The following HLA-DPA1 variants were observed in gnomAD, a reference collection of about 807,000 sequenced individuals.
HLA-DPA1 encodes the protein HLA class II histocompatibility antigen, DP alpha 1 chain.
A neutral mutation model predicts 21.5 loss-of-function variants in HLA-DPA1; 20 were observed. That is an observed-to-expected ratio of 0.93 (90% CI 0.66 to 1.35). The LOEUF (loss-of-function observed/expected upper bound fraction) is 1.35. Among genes scored for constraint, HLA-DPA1 ranks in the 40% most tolerant of loss-of-function variants. The pLI is 0.00. For missense variants in HLA-DPA1, 279 were observed against 323.0 expected, an observed-to-expected ratio of 0.86 and a Z score of 1.05; for synonymous variants, 123 against 129.6, an observed-to-expected ratio of 0.95 and a Z score of 0.35.
rs1432640425 is a variant in HLA-DPA1 at position 33,080,246 on chromosome 6, G to T, written c.-100+434C>A. The T allele has an allele frequency of 5.6e-6, 2 of 359,578 alleles. No individual in the cohort carries two copies. Among genetic ancestry groups the T allele is most frequent in the Admixed American group, 3.7e-5 (1 of 26,818 alleles). 22.3% of individuals were successfully genotyped at this position (359,578 alleles called of 1,614,324 possible). A position where few individuals can be genotyped will look rare whatever the true frequency, so the allele number is the denominator to read the frequency against. On this transcript the variant is annotated intron_variant, in intron 1 of 5. Transcript: ENST00000419277. The surrounding 1 kb of genome is among the most constrained non-coding windows in gnomAD (Gnocchi z 4.3). Reference sequence around the variant, plus strand: ...CTGGAGGAGGTGGCATTTGAACCAGGACTGACATCAGGATGGAAATGTCAG... The same window carrying T: ...CTGGAGGAGGTGGCATTTGAACCAGTACTGACATCAGGATGGAAATGTCAG...
intron 1 of HLA-DPA1, chr6:33,079,478 G>C (rs1762722822): frequency 3.2e-6 from 1 of 311,838 alleles, no homozygotes; most frequent in Non-Finnish European, 6.3e-6. Flanking sequence ...CCTCATGAAG[G>C]ATAAGATCCT....
rs147525040 is a variant in HLA-DPA1, at chr6:33,072,931, A to G, written c.100+540T>C. Among the ~76,000 whole-genome samples, 541 of 152,282 alleles carry G rather than the reference A, an allele frequency of 3.6e-3. 3 individuals carry two copies. The highest frequency in any genetic ancestry group is 0.026 in the East Asian group (133 of 5,194). ...CCCAGGAAGAGCCCTAGGGTCCTAGAAGAGAGGGAGGATACAGAAACACTC... is the reference window on the plus strand; with the variant it reads ...CCCAGGAAGAGCCCTAGGGTCCTAGGAGAGAGGGAGGATACAGAAACACTC... On this transcript the variant is annotated intron_variant, in intron 2 of 5. Transcript: ENST00000419277.
Position 33,080,593 on chromosome 6 carries a change from C to T in HLA-DPA1, c.-100+87G>A. On this transcript the variant is annotated intron_variant, in intron 1 of 5. Coordinates refer to ENST00000419277, the Ensembl canonical transcript of HLA-DPA1. This position sits in a 1 kb window ranked among gnomAD's most constrained non-coding sequence, Gnocchi z 4.3. ...CTGGGTGGGAAGATTTGGGAAGAAT[C>T]GTTAATATTGAGAGAGAGAGGGAGA... 6.3e-7 allele frequency: 1 copy of T among 1,588,954 alleles called. No homozygotes were observed. Among genetic ancestry groups the T allele is most frequent in the Middle Eastern group, 1.7e-4 (1 of 6,024 alleles).
chr6:33,068,304 G>C, intron 5 of HLA-DPA1: 1 of 213,978 alleles, frequency 4.7e-6, no homozygotes, highest in Non-Finnish European at 9.1e-6. Context: ...TTCTGGATTG[G>C]AAGCTAGCCC....
At chr6:33,073,445 G>A (rs377625773) in intron 2 of HLA-DPA1, 26 bp downstream of exon 1, 29 of 1,490,108 alleles carry the variant, frequency 1.9e-5, no homozygotes, top group Middle Eastern at 1.8e-4. Context: ...TCACCCCGAC[G>A]CTCCTGCGTC....
At chr6:33,071,424 T>C (rs1762276674) in intron 2 of HLA-DPA1, among the ~76,000 whole-genome samples, 1 of 152,216 alleles carries the variant, frequency 6.6e-6, no homozygotes, top group Non-Finnish European at 1.5e-5. Context: ...TCTTAATACA[T>C]GAATGTCCCT....
chr6:33,069,110 G>C, exon 4 of HLA-DPA1: 1 of 1,613,074 alleles, frequency 6.2e-7, no homozygotes, highest in Non-Finnish European at 8.5e-7. Flanking sequence ...TCAGGTAATG[G>C]AACTTGTGGA....
Position 33,080,433 on chromosome 6 carries a change from C to T in HLA-DPA1, c.-100+247G>A. On this transcript the variant is annotated intron_variant, in intron 1 of 5. Coordinates refer to ENST00000419277, the Ensembl canonical transcript of HLA-DPA1. The surrounding 1 kb of genome is among the most constrained non-coding windows in gnomAD (Gnocchi z 4.3). ...AGTGCTCGCCCCTCCCTAGTGATCACTCAGTGCCCCTGAGCTCATTCTTTT... is the reference window on the plus strand; with the variant it reads ...AGTGCTCGCCCCTCCCTAGTGATCATTCAGTGCCCCTGAGCTCATTCTTTT... 1 of 702,758 alleles carries T rather than the reference C, an allele frequency of 1.4e-6. No homozygotes were observed. The highest frequency in any genetic ancestry group is 2.6e-6 in the Non-Finnish European group (1 of 381,138). The allele number at this position is 702,758 out of a possible 1,614,324, so 43.5% of individuals were successfully genotyped here.
In HLA-DPA1 at chr6:33,077,114, C is replaced by T. The variant is rs368982238; in HGVS notation, c.-99-3445G>A. Among the ~76,000 whole-genome samples, 261 of 140,318 alleles carry T rather than the reference C, an allele frequency of 1.9e-3. 8 individuals are homozygous for T. In the South Asian group the frequency reaches 0.051, roughly 27 times the overall value. 92.1% of individuals were successfully genotyped at this position (140,318 alleles called of 152,430 possible). ...GCCCCGGTGTATGATGTTCCCCTTC[C>T]TGTGTCCATGTGTTCTCATTGTTCA... On this transcript the variant is annotated intron_variant, in intron 1 of 5. Transcript: ENST00000419277.
intron 3 of HLA-DPA1, 55 bp downstream of exon 2, chr6:33,069,586 G>C (rs1284378014): frequency 6.3e-7 from 1 of 1,596,668 alleles, no homozygotes; most frequent in Non-Finnish European, 8.6e-7. Flanking sequence ...TGGCAGAGAG[G>C]CCCTCTCATC....
intron 5 of HLA-DPA1, chr6:33,065,574 G>T (rs7751953): frequency 0.32 from 48,505 of 151,950 alleles, 10,819 homozygotes; most frequent in East Asian, 0.69. Context: ...CCAGCTGACT[G>T]TGAGGCCATC....
chr6:33,073,173 T>C (rs1338794357), intron 2 of HLA-DPA1, among the ~76,000 whole-genome samples: 1 of 152,222 alleles, frequency 6.6e-6, no homozygotes, highest in Non-Finnish European at 1.5e-5. Context: ...AACTTATTCA[T>C]CTTTTTGAGC....
intron 1 of HLA-DPA1, chr6:33,079,806 G>A (rs901415580): frequency 8.8e-6 from 4 of 456,890 alleles, no homozygotes; most frequent in Admixed American, 2.4e-5. Flanking sequence ...TCACCCAGCC[G>A]GCCATCAGAG....
chr6:33,068,725 G>A (rs1762090632), exon 5 of HLA-DPA1: 2 of 1,612,862 alleles, frequency 1.2e-6, no homozygotes, highest in African/African-American at 2.7e-5. Context: ...CCACGATGAT[G>A]CCGACTAGGC....
At position 33,071,122 on chromosome 6, in the gene HLA-DPA1, ACCCAGTCTGTGCTTGGCCACTTACAGT is replaced by A. The variant is rs1762258474; in HGVS notation, c.101-1263_101-1237del. On this transcript the variant is annotated intron_variant, in intron 2 of 5. Transcript: ENST00000419277. ...GAGTTTTCAGCCCTGACATGTGGGGACCCAGTCTGTGCTTGGCCACTTACAGTGACAGGAGAATGACTCCTTGCCACT... is the reference window on the plus strand; with the variant it reads ...GAGTTTTCAGCCCTGACATGTGGGGAGACAGGAGAATGACTCCTTGCCACT... Among the ~76,000 whole-genome samples, 4 of 81,730 alleles carry A rather than the reference ACCCAGTCTGTGCTTGGCCACTTACAGT, an allele frequency of 4.9e-5. No individual in the cohort carries two copies. In the South Asian group the frequency reaches 1.9e-3, roughly 38 times the overall value. The allele number at this position is 81,730 out of a possible 152,430, so 53.6% of individuals were successfully genotyped here.
intron 1 of HLA-DPA1, chr6:33,075,785 C>T (rs1278330345): frequency 1.2e-5 from 6 of 490,016 alleles, no homozygotes; most frequent in South Asian, 9.1e-5. Flanking sequence ...ATGAGTATCA[C>T]TGTCTTTCCT....
At chr6:33,073,595 T>C (rs1311464058) in exon 2 of HLA-DPA1, 1 of 1,549,244 alleles carries the variant, frequency 6.5e-7, no homozygotes, top group Non-Finnish European at 8.9e-7. Context: ...AATTGATGAC[T>C]GTGAGCACAG....
chr6:33,080,318 C>T lies in HLA-DPA1; in HGVS notation c.-100+362G>A. ...GCAGCTCCGCCCTCCACGTCCCCAG[C>T]TCCTCCCGCCCCTGTTTTTTCTCCC... is the stretch of plus-strand genomic sequence containing the variant. On this transcript the variant is annotated intron_variant, in intron 1 of 5. Coordinates refer to ENST00000419277, the Ensembl canonical transcript of HLA-DPA1. This position sits in a 1 kb window ranked among gnomAD's most constrained non-coding sequence, Gnocchi z 4.3. 1 of 459,550 alleles carries T rather than the reference C, an allele frequency of 2.2e-6. No individual in the cohort carries two copies. Among genetic ancestry groups the T allele is most frequent in the Non-Finnish European group, 4.3e-6 (1 of 233,588 alleles). 28.5% of individuals were successfully genotyped at this position (459,550 alleles called of 1,614,324 possible). A position where few individuals can be genotyped will look rare whatever the true frequency, so the allele number is the denominator to read the frequency against.
chr6:33,067,852 T>A (rs1003983418), intron 5 of HLA-DPA1: 2 of 132,500 alleles, frequency 1.5e-5, no homozygotes, highest in Non-Finnish European at 3.1e-5. Flanking sequence ...ACCAAATAAA[T>A]CAAGGGAGAG....
Sources: allele counts gnomAD v4.1 joint callset (sites outside exome capture counted in the v4.1 genomes callset), GRCh38; gene constraint gnomAD v4.1.1; non-coding constraint Gnocchi (gnomAD v3.1); transcripts MANE v1.5; gene names NCBI Gene and HGNC (gene_info 2026-07-23, HGNC 2026-07-21).